Variants in CNTN5 observed in about 807,000 individuals in gnomAD.
CNTN5 encodes the protein contactin 5.
A neutral mutation model predicts 129.1 loss-of-function variants in CNTN5; 77 were observed. The ratio of observed to expected loss-of-function variants is 0.60; its 90% CI spans 0.50 to 0.72. The LOEUF is 0.72. CNTN5 is among the 30% of genes least tolerant of loss of function. The probability of loss-of-function intolerance (pLI) is 0.00; values close to 1 mark genes in which losing one functional copy is unlikely to be tolerated. For synonymous variants in CNTN5, 509 were observed against 465.6 expected, an observed-to-expected ratio of 1.09 and a Z score of -1.20; for missense variants, 1,478 against 1,328.8, an observed-to-expected ratio of 1.11 and a Z score of -1.75.
At chr11:99,282,335 G>C (rs572289076) in intron 1 of CNTN5, among the ~76,000 whole-genome samples, 1 of 151,996 alleles carries the variant, frequency 6.6e-6, no homozygotes, top group East Asian at 1.9e-4. Flanking sequence ...ACTACGGTAA[G>C]GTTCACTCAG....
At chr11:100,263,124 C>T (rs561697648) in intron 17 of CNTN5, among the ~76,000 whole-genome samples, 10 of 152,218 alleles carry the variant, frequency 6.6e-5, no homozygotes, top group African/African-American at 2.2e-4. Flanking sequence ...ATCACACTTA[C>T]TGGATAGTTA....
At chr11:99,269,611 T>C (rs1030229506) in intron 1 of CNTN5, among the ~76,000 whole-genome samples, 4 of 151,890 alleles carry the variant, frequency 2.6e-5, no homozygotes, top group African/African-American at 9.7e-5. Flanking sequence ...TTCCTTCATG[T>C]CCAGAGATAT....
At chr11:99,247,030 C>T (rs867782117) in intron 1 of CNTN5, among the ~76,000 whole-genome samples, 5 of 152,006 alleles carry the variant, frequency 3.3e-5, no homozygotes, top group African/African-American at 4.8e-5. Flanking sequence ...GAAAAGTGAA[C>T]GTCAGAAAGT....
chr11:100,227,192 G>C (rs933702417), intron 16 of CNTN5, among the ~76,000 whole-genome samples: 30 of 152,056 alleles, frequency 2.0e-4, no homozygotes, highest in Admixed American at 2.0e-4. Flanking sequence ...CTATTTCAGT[G>C]GAAATTTAAG....
intron 6 of CNTN5, 104 bp downstream of exon 6, chr11:99,845,366 C>CTTTTTTTTTTTT (rs869305728): frequency 3.5e-5 from 3 of 85,464 alleles, no homozygotes; most frequent in Non-Finnish European, 6.1e-5. Flanking sequence ...GATCTCAAAT[C>CTTTTTTTTTTTT]TTTTTTTTTT....
chr11:99,639,745 G>A (rs1450012708), intron 3 of CNTN5, among the ~76,000 whole-genome samples: 1 of 151,644 alleles, frequency 6.6e-6, no homozygotes, highest in East Asian at 1.9e-4. Context: ...TTTGTATTTA[G>A]TGGAGATGAG....
At chr11:100,235,222 C>CT (rs545023887) in intron 16 of CNTN5, among the ~76,000 whole-genome samples, 3 of 152,078 alleles carry the variant, frequency 2.0e-5, no homozygotes, top group Admixed American at 6.6e-5. Flanking sequence ...TAAAATCAGA[C>CT]TTTTTTTTCT....
Position 100,000,165 on chromosome 11 carries a change from AAAAT to A in CNTN5, c.878-1849_878-1846del, listed in dbSNP as rs575342411. 5.4e-3 allele frequency among the ~76,000 whole-genome samples: 826 copies of A among 151,976 alleles called. 4 individuals carry two copies. Among genetic ancestry groups the A allele is most frequent in the African/African-American group, 0.017 (697 of 41,502 alleles). On this transcript the variant is annotated intron_variant, in intron 8 of 24. Coordinates refer to ENST00000524871, the MANE Select transcript of CNTN5 (RefSeq NM_014361.4). ...TAAAACTTAAAGTATAATAATAATA[AAAAT>A]AAATAAATAAATAAATAAAAAGTCC...
chr11:99,948,244 G>A (rs61475845), intron 7 of CNTN5, among the ~76,000 whole-genome samples: 3,553 of 152,278 alleles, frequency 0.023, 319 homozygotes, highest in East Asian at 0.18. Flanking sequence ...TGGAGATGAG[G>A]AATAGTATCC....
intron 1 of CNTN5, among the ~76,000 whole-genome samples, chr11:99,153,198 G>T (rs914126937): frequency 3.3e-5 from 5 of 152,168 alleles, no homozygotes; most frequent in Admixed American, 3.3e-4. Context: ...TCTCTAGCAA[G>T]GTTGGGGAAA....
chr11:99,478,840 T>C (rs954919305), intron 2 of CNTN5, among the ~76,000 whole-genome samples: 3 of 152,176 alleles, frequency 2.0e-5, no homozygotes, highest in Non-Finnish European at 4.4e-5. Flanking sequence ...ATTGATTCTA[T>C]TTAATAGATA....
At chr11:99,762,897 G>T (rs942327960) in intron 3 of CNTN5, among the ~76,000 whole-genome samples, 12 of 152,044 alleles carry the variant, frequency 7.9e-5, no homozygotes, top group Non-Finnish European at 1.5e-4. Context: ...TTCTTTTCTT[G>T]TGAATTCATG....
In CNTN5 at chr11:99,471,085, T is replaced by G. The variant is rs11220076; in HGVS notation, c.-70-85060T>G. On this transcript the variant is annotated intron_variant, in intron 2 of 24. Coordinates refer to ENST00000524871, the MANE Select transcript of CNTN5 (RefSeq NM_014361.4). ...AATTGCAGAGAGCACCTAGTCCCAT[T>G]TCACAAACTTTCCAGATATATTTTT... is the stretch of plus-strand genomic sequence containing the variant. 4.5e-3 allele frequency among the ~76,000 whole-genome samples: 682 copies of G among 152,156 alleles called. 13 individuals are homozygous for G. Among genetic ancestry groups the G allele is most frequent in the Admixed American group, 0.036 (554 of 15,268 alleles).
intron 1 of CNTN5, among the ~76,000 whole-genome samples, chr11:99,052,368 G>A (rs879728414): frequency 6.6e-6 from 1 of 151,732 alleles, no homozygotes; most frequent in Non-Finnish European, 1.5e-5. Flanking sequence ...ATTATAACGT[G>A]CTATTTTTAT....
At chr11:99,832,167 C>T (rs1233829019) in intron 4 of CNTN5, among the ~76,000 whole-genome samples, 1 of 152,142 alleles carries the variant, frequency 6.6e-6, no homozygotes, top group Non-Finnish European at 1.5e-5. Context: ...TTTTGTCTAA[C>T]ATCATTTCCA....
intron 1 of CNTN5, among the ~76,000 whole-genome samples, chr11:99,257,256 A>G (rs960768690): frequency 1.3e-5 from 2 of 152,210 alleles, no homozygotes; most frequent in South Asian, 2.1e-4. Context: ...CCATGTGAAT[A>G]AAACCAGGAA....
At chr11:99,966,685 C>G (rs918228305) in intron 8 of CNTN5, among the ~76,000 whole-genome samples, 2 of 152,200 alleles carry the variant, frequency 1.3e-5, no homozygotes, top group African/African-American at 4.8e-5. Flanking sequence ...AACTAGCACA[C>G]AAGAAGTATC....
intron 3 of CNTN5, among the ~76,000 whole-genome samples, chr11:99,587,443 T>C (rs1319058318): frequency 6.6e-6 from 1 of 152,200 alleles, no homozygotes; most frequent in Non-Finnish European, 1.5e-5. Flanking sequence ...TGGGAGCTAG[T>C]TCCCTGAAAA....
At chr11:99,566,772 T>C (rs1949019247) in intron 3 of CNTN5, among the ~76,000 whole-genome samples, 1 of 152,226 alleles carries the variant, frequency 6.6e-6, no homozygotes, top group South Asian at 2.1e-4. Context: ...ATATGTCATA[T>C]ACAAATATTA....
Sources: allele counts gnomAD v4.1 joint callset (sites outside exome capture counted in the v4.1 genomes callset), GRCh38; gene constraint gnomAD v4.1.1; transcripts MANE v1.5; gene names NCBI Gene and HGNC (gene_info 2026-07-23, HGNC 2026-07-21).